Variants in FBXL18 observed in about 807,000 individuals in gnomAD.
FBXL18 encodes F-box and leucine rich repeat protein 18, also known as F-box/LRR-repeat protein 18.
FBXL18 carries 36 observed loss-of-function variants against 46.0 expected under a neutral mutation model. That is an observed-to-expected ratio of 0.78 (90% CI 0.60 to 1.03). The LOEUF (loss-of-function observed/expected upper bound fraction) is 1.03, where lower values mean the gene tolerates loss of function less well. Among genes scored for constraint, FBXL18 ranks in the 50% least tolerant of loss-of-function variants. FBXL18 has a pLI of 0.00. For synonymous variants in FBXL18, 557 were observed against 465.3 expected, an observed-to-expected ratio of 1.20 and a Z score of -2.54; for missense variants, 977 against 1,004.1, an observed-to-expected ratio of 0.97 and a Z score of 0.36.
chr7:5,470,489 G>C (rs1783409671), intron 4 of FBXL18, among the ~76,000 whole-genome samples: 1 of 152,156 alleles, frequency 6.6e-6, no homozygotes, highest in African/African-American at 2.4e-5. Context: ...CAGGAACTCT[G>C]GGAAACCCGC....
intron 1 of FBXL18, among the ~76,000 whole-genome samples, chr7:5,509,018 C>G (rs1323598602): frequency 1.3e-5 from 2 of 151,900 alleles, no homozygotes; most frequent in Non-Finnish European, 2.9e-5. Context: ...CATGATGAAA[C>G]CCCATCTCCA....
chr7:5,460,908 A>AT (rs1562670660), intron 4 of FBXL18, among the ~76,000 whole-genome samples: 1 of 151,980 alleles, frequency 6.6e-6, no homozygotes, highest in Non-Finnish European at 1.5e-5. Flanking sequence ...CCCTCACCAT[A>AT]TTTTTTTGTT....
chr7:5,456,433 C>T (rs1359060899), intron 4 of FBXL18, among the ~76,000 whole-genome samples: 1 of 152,222 alleles, frequency 6.6e-6, no homozygotes, highest in Non-Finnish European at 1.5e-5. Context: ...CCTCATCTCA[C>T]GCGGTCAATT....
downstream of FBXL18, among the ~76,000 whole-genome samples, chr7:5,474,609 C>G (rs1783478358): frequency 6.6e-6 from 1 of 152,022 alleles, no homozygotes; most frequent in Non-Finnish European, 1.5e-5. Context: ...AGCCACCGCC[C>G]CCAGCTTGAA....
At chr7:5,484,704 T>C (rs1194769650) in intron 4 of FBXL18, among the ~76,000 whole-genome samples, 1 of 150,554 alleles carries the variant, frequency 6.6e-6, no homozygotes, top group Non-Finnish European at 1.5e-5. Flanking sequence ...AATCGCGTGA[T>C]CTTGGCTCAA....
chr7:5,463,572 T>C (rs1783288549), intron 4 of FBXL18, among the ~76,000 whole-genome samples: 1 of 151,360 alleles, frequency 6.6e-6, no homozygotes. Flanking sequence ...TGAACCACGA[T>C]TGTGCCACGG....
intron 1 of FBXL18, among the ~76,000 whole-genome samples, chr7:5,510,349 C>T (rs1379758151): frequency 6.7e-6 from 1 of 149,708 alleles, no homozygotes; most frequent in African/African-American, 2.5e-5. Context: ...CAAGTTGCAG[C>T]CTGGGCAATG....
downstream of FBXL18, among the ~76,000 whole-genome samples, chr7:5,475,305 G>C (rs150270299): frequency 5.2e-3 from 797 of 152,118 alleles, 7 homozygotes; most frequent in African/African-American, 0.018. The surrounding 1 kb of genome is among the most constrained non-coding windows in gnomAD (Gnocchi z 4.2). Flanking sequence ...CTGGGCGACA[G>C]AGCAAGATTC....
intron 3 of FBXL18, 31 bp from the exon 4 acceptor site, chr7:5,491,480 G>T: frequency 6.6e-7 from 1 of 1,525,384 alleles, no homozygotes; most frequent in South Asian, 1.2e-5. Context: ...TGTGAGGTCC[G>T]AGGGAGGGGC....
intron 4 of FBXL18, among the ~76,000 whole-genome samples, chr7:5,462,995 T>TATATATATATATATATAA (rs1309862413): frequency 2.8e-4 from 9 of 31,836 alleles, no homozygotes; most frequent in African/African-American, 7.7e-4. Flanking sequence ...TATATATATA[T>TATATATATATATATATAA]AATATATATA....
In FBXL18 at chr7:5,496,824, G is replaced by A. The variant is rs1280615909; in HGVS notation, c.1781+3664C>T. The stretch of plus-strand genomic sequence containing the variant: ...GCGGATCACCTGAGGTCAGGAGTTC[G>A]AGACCAGCCTGGCCAACATGGTGAA... On this transcript the variant is annotated intron_variant, in intron 3 of 4. Coordinates refer to ENST00000382368, the MANE Select transcript of FBXL18 (RefSeq NM_024963.6). This position sits in a 1 kb window ranked among gnomAD's most constrained non-coding sequence, Gnocchi z 4.8. Among the ~76,000 whole-genome samples the A allele has an allele frequency of 1.3e-5, 2 of 151,794 alleles. No homozygotes were observed. The highest frequency in any genetic ancestry group is 4.8e-5 in the African/African-American group (2 of 41,272).
At chr7:5,498,129 G>T (rs1256963820) in intron 3 of FBXL18, among the ~76,000 whole-genome samples, 1 of 138,044 alleles carries the variant, frequency 7.2e-6, no homozygotes, top group African/African-American at 2.8e-5. Context: ...CACCCATGCT[G>T]GAGTGCAGCG....
At chr7:5,502,105 G>A (rs1340848689) in intron 2 of FBXL18, 74 bp from the exon 3 acceptor site, 11 of 1,032,972 alleles carry the variant, frequency 1.1e-5, no homozygotes, top group African/African-American at 4.8e-5. Context: ...CCCTCAGTGC[G>A]CACACTCCCC....
intron 4 of FBXL18, among the ~76,000 whole-genome samples, chr7:5,463,739 T>A (rs1426281808): frequency 0.021 from 773 of 37,584 alleles, 15 homozygotes; most frequent in African/African-American, 0.048. Context: ...TTTTTTTTTT[T>A]TTTTTTTTTT....
In FBXL18 at chr7:5,505,583, C is replaced by T; in HGVS notation, c.66G>A (p.Met22Ile). Reference sequence around the variant, plus strand: ...ACCCTAGGAGGTGGACCCCGTCTGCCATCCCGGCTGCTGCAGGGTGCATGT... The same window carrying T: ...ACCCTAGGAGGTGGACCCCGTCTGCTATCCCGGCTGCTGCAGGGTGCATGT... Reference protein sequence around the residue: ...DDDMHPAAAGMADGVHLLGFS... With the variant: ...DDDMHPAAAGIADGVHLLGFS... The change falls in exon 2 of 5, where the codon ATG (methionine) becomes ATA (isoleucine). Residue 22 changes from methionine (M) to isoleucine (I), a missense_variant. Physicochemically the swap from Met to Ile is conservative, Grantham distance 10 (BLOSUM62 1). Coordinates refer to ENST00000382368, the MANE Select transcript of FBXL18 (RefSeq NM_024963.6). The T allele has an allele frequency of 6.2e-7, 1 of 1,614,056 alleles. No homozygotes were observed. The highest frequency in any genetic ancestry group is 8.5e-7 in the Non-Finnish European group (1 of 1,179,980).
At position 5,481,051 on chromosome 7, in the gene FBXL18, GA is replaced by G. The variant is rs1783632616; in HGVS notation, c.*723del. The G allele has an allele frequency of 6.6e-6, 1 of 152,000 alleles. No individual in the cohort carries two copies. Among genetic ancestry groups the G allele is most frequent in the East Asian group, 1.9e-4 (1 of 5,172 alleles). 9.4% of individuals were successfully genotyped at this position (152,000 alleles called of 1,614,324 possible). On this transcript the variant is annotated 3_prime_UTR_variant, in exon 5 of 5. Transcript: ENST00000382368. ...AAGGCCGTGGGGTGGGTGGGAGGGG[GA>G]GGAGGCCTCTCTCGTTAGAAACGGG...
At chr7:5,472,329 G>A (rs1452780894), downstream of FBXL18, among the ~76,000 whole-genome samples, 1 of 152,170 alleles carries the variant, frequency 6.6e-6, no homozygotes, top group East Asian at 1.9e-4. Context: ...CAAGTGGGGG[G>A]TCTGTGCCCC....
intron 1 of FBXL18, among the ~76,000 whole-genome samples, chr7:5,511,583 G>A (rs1356364909): frequency 1.3e-5 from 2 of 150,888 alleles, no homozygotes; most frequent in Non-Finnish European, 3.0e-5. Flanking sequence ...TCCAGCCTGG[G>A]CAAAAAGGTG....
intron 4 of FBXL18, among the ~76,000 whole-genome samples, chr7:5,484,043 G>A (rs1482308823): frequency 6.6e-6 from 1 of 152,190 alleles, no homozygotes; most frequent in African/African-American, 2.4e-5. Flanking sequence ...AATCTCGTGG[G>A]CAGCAATGTC....
Sources: allele counts gnomAD v4.1 joint callset (sites outside exome capture counted in the v4.1 genomes callset), GRCh38; gene constraint gnomAD v4.1.1; non-coding constraint Gnocchi (gnomAD v3.1); transcripts MANE v1.5; gene names NCBI Gene and HGNC (gene_info 2026-07-23, HGNC 2026-07-21).